TEP1: variants seen among roughly 807,000 people sequenced by gnomAD.
TEP1 encodes the protein telomerase protein component 1.
A neutral mutation model predicts 306.3 loss-of-function variants in TEP1; 241 were observed. That is an observed-to-expected ratio of 0.79 (90% CI 0.71 to 0.88). The LOEUF (loss-of-function observed/expected upper bound fraction) is 0.88. Among genes scored for constraint, TEP1 ranks in the 40% least tolerant of loss-of-function variants. The pLI, the probability that TEP1 is intolerant of heterozygous loss-of-function variation, is 0.00. For synonymous variants in TEP1, 1,289 were observed against 1,305.5 expected, an observed-to-expected ratio of 0.99 and a Z score of 0.27; for missense variants, 3,051 against 3,276.1, an observed-to-expected ratio of 0.93 and a Z score of 1.68.
At position 20,386,515 on chromosome 14, in the gene TEP1, A is replaced by G; in HGVS notation, c.2793T>C (p.Pro931=). ...VLPALQARAA[P]HRISLHGIDL... ...CGATTCCGTGAAGGCTGATACGGTG[A>G]GGGGCCGCTCGGGCCTGCAGTGCTG... The change falls in exon 19 of 55, where the codon CCT becomes CCC. Residue 931 remains proline, a synonymous_variant. Coordinates refer to ENST00000262715, the MANE Select transcript of TEP1 (RefSeq NM_007110.5). The G allele has an allele frequency of 1.2e-6, 2 of 1,613,064 alleles. No homozygotes were observed. The highest frequency in any genetic ancestry group is 1.7e-6 in the Non-Finnish European group (2 of 1,179,488).
chr14:20,369,953 G>A (rs1248811938), intron 51 of TEP1, among the ~76,000 whole-genome samples, 174 bp from the exon 52 acceptor site: 8 of 141,230 alleles, frequency 5.7e-5, no homozygotes, highest in East Asian at 4.1e-4. Flanking sequence ...TCACTCTGTC[G>A]CCCAGGCTGG....
chr14:20,375,759 A>AGGT lies in TEP1; in HGVS notation c.6356_6358dup (p.Asn2119_Leu2120insHis). The AGGT allele has an allele frequency of 1.2e-6, 2 of 1,611,376 alleles. No individual in the cohort carries two copies. Among genetic ancestry groups the AGGT allele is most frequent in the Middle Eastern group, 1.7e-4 (1 of 6,056 alleles). On this transcript the variant is annotated inframe_insertion, in exon 43 of 55. Transcript: ENST00000262715. ...CACCCCTGGCCCTTTACTCACCAGT[A>AGGT]GGTTATCTTTGGTCCAGGCACAGCC... is the stretch of plus-strand genomic sequence containing the variant.
rs1437874168 is a variant in TEP1, at chr14:20,373,002, C to T, written c.6951+9G>A. 5 of 1,614,044 alleles carry T rather than the reference C, an allele frequency of 3.1e-6. No homozygotes were observed. The highest frequency in any genetic ancestry group is 4.2e-6 in the Non-Finnish European group (5 of 1,180,030). ...ACACAGACAAAGAACCAAGGGTACA[C>T]CGACTCACCTGTGCTGTGGCCACAG... On this transcript the variant is annotated intron_variant, in intron 48 of 54. Transcript: ENST00000262715.
Position 20,381,229 on chromosome 14 carries a change from G to A in TEP1, c.4647+84C>T. On this transcript the variant is annotated intron_variant, in intron 32 of 54. Transcript: ENST00000262715. The surrounding 1 kb of genome is among the most constrained non-coding windows in gnomAD (Gnocchi z 4.0). The stretch of plus-strand genomic sequence containing the variant: ...GGGAGGGGTAATGGCGGCGGTGATG[G>A]TGGAGATGGTAACGGGGAGAGGGGT... 6 of 1,410,636 alleles carry A rather than the reference G, an allele frequency of 4.3e-6. No homozygotes were observed. Among genetic ancestry groups the A allele is most frequent in the Non-Finnish European group, 6.0e-6 (6 of 995,168 alleles). 87.4% of individuals were successfully genotyped at this position (1,410,636 alleles called of 1,614,324 possible). A position where few individuals can be genotyped will look rare whatever the true frequency, so the allele number is the denominator to read the frequency against.
rs774266792 is a variant in TEP1 at position 20,396,710 on chromosome 14, TGAAGG to T, written c.1565_1569del (p.Pro522HisfsTer21). 2 of 1,608,650 alleles carry T rather than the reference TGAAGG, an allele frequency of 1.2e-6. No homozygotes were observed. The highest frequency in any genetic ancestry group is 3.3e-5 in the Admixed American group (2 of 59,724). On this transcript the variant is annotated frameshift_variant, in exon 10 of 55. Coordinates refer to ENST00000262715, the MANE Select transcript of TEP1 (RefSeq NM_007110.5). LOFTEE classifies it high-confidence loss of function. ...TTGCACAGGTTCCGAAGCATGGCCATGAAGGGAAGCTTCCCATTTTCTGTGGAATG... is the reference window on the plus strand; with the variant it reads ...TTGCACAGGTTCCGAAGCATGGCCATGAAGCTTCCCATTTTCTGTGGAATG...
chr14:20,393,533 T>A (rs971807073), intron 12 of TEP1, among the ~76,000 whole-genome samples: 3 of 152,268 alleles, frequency 2.0e-5, no homozygotes, highest in Non-Finnish European at 4.4e-5. Flanking sequence ...GGCTTACGCC[T>A]GTAATCCCAG....
chr14:20,391,011 G>T lies in TEP1; in HGVS notation c.2183C>A (p.Thr728Asn), dbSNP rs773657080. The T allele has an allele frequency of 6.2e-7, 1 of 1,614,142 alleles. No individual in the cohort carries two copies. The highest frequency in any genetic ancestry group is 8.5e-7 in the Non-Finnish European group (1 of 1,180,044). Residue 728 changes from threonine (T) to asparagine (N), a missense_variant, in exon 14 of 55, where the codon ACT becomes AAT. Around this residue, in one of 3 missense-constraint regions of TEP1, gnomAD observed 1,507 missense variants for 1,550.5 expected, o/e 0.97. Transcript: ENST00000262715. The stretch of plus-strand genomic sequence containing the variant: ...TGCCTTAAGCACTGCAGTCTTCAGA[G>T]TGTCACCTCCACACAGCACGACGTC... ...QVDVVLCGGD[T>N]LKTAVLKAEE...
At chr14:20,394,540 C>T (rs1461420402) in intron 12 of TEP1, among the ~76,000 whole-genome samples, 5 of 133,898 alleles carry the variant, frequency 3.7e-5, no homozygotes, top group African/African-American at 1.4e-4. Context: ...AGTGCAATGG[C>T]GCGATCTCAG....
rs150814897 is a variant in TEP1 at position 20,394,748 on chromosome 14, C to A, written c.1928+702G>T. ...CTGCCTCGTGATCCACCTGCCTCGG[C>A]CTCCCAAAGTTCTGGGATTACAGGC... On this transcript the variant is annotated intron_variant, in intron 12 of 54. Coordinates refer to ENST00000262715, the MANE Select transcript of TEP1 (RefSeq NM_007110.5). Among the ~76,000 whole-genome samples the A allele has an allele frequency of 8.9e-3, 1,359 of 152,216 alleles. 19 individuals are homozygous for A. The highest frequency in any genetic ancestry group is 0.031 in the African/African-American group (1,287 of 41,532).
intron 13 of TEP1, 104 bp from the exon 14 acceptor site, chr14:20,391,200 A>C: frequency 8.1e-7 from 1 of 1,234,298 alleles, no homozygotes; most frequent in Non-Finnish European, 1.1e-6. Context: ...AGAGGGAATA[A>C]GAAAAAGTGT....
intron 43 of TEP1, 91 bp from the exon 44 acceptor site, chr14:20,374,627 C>A: frequency 1.2e-6 from 1 of 816,548 alleles, no homozygotes. Context: ...CGGTTAGCCA[C>A]GTAATTAAGG....
rs1464789763 is a variant in TEP1 at position 20,379,050 on chromosome 14, G to T, written c.5183C>A (p.Ser1728Tyr). The change falls in exon 36 of 55, where the codon TCC becomes TAC. Residue 1728 changes from serine to tyrosine, a missense_variant. Physicochemically the swap from Ser to Tyr is moderately radical, Grantham distance 144. Transcript: ENST00000262715. Reference protein sequence around the residue: ...CDGISACLFLSDDTLFLTAFD... With the variant: ...CDGISACLFLYDDTLFLTAFD... ...GGCAGTAAGAAAGAGTGTATCATCG[G>T]AGAGGAACAAACAAGCAGAGATTCC... 1.2e-6 allele frequency: 2 copies of T among 1,614,162 alleles called. No individual in the cohort carries two copies. The highest frequency in any genetic ancestry group is 2.2e-5 in the East Asian group (1 of 44,868).
At position 20,382,206 on chromosome 14, in the gene TEP1, C is replaced by T. The variant is rs1250550347; in HGVS notation, c.4273+18G>A. 1.9e-6 allele frequency: 3 copies of T among 1,614,006 alleles called. No homozygotes were observed. Among genetic ancestry groups the T allele is most frequent in the Non-Finnish European group, 1.7e-6 (2 of 1,180,020 alleles). The stretch of plus-strand genomic sequence containing the variant: ...CCCTGGCCCTCAGCCTCCCAACCAA[C>T]CCACCCCAAGCACTGACCACTCCGT... On this transcript the variant is annotated intron_variant, in intron 29 of 54. Coordinates refer to ENST00000262715, the MANE Select transcript of TEP1 (RefSeq NM_007110.5).
chr14:20,376,341 G>A (rs1387329080), intron 41 of TEP1, 77 bp from the exon 42 acceptor site: 15 of 1,480,538 alleles, frequency 1.0e-5, no homozygotes, highest in Non-Finnish European at 9.1e-7. Flanking sequence ...AAAGACAGGA[G>A]CGGCCATGGG....
intron 12 of TEP1, among the ~76,000 whole-genome samples, chr14:20,393,621 G>A (rs1877924530): frequency 1.3e-5 from 2 of 152,078 alleles, no homozygotes; most frequent in Non-Finnish European, 2.9e-5. Flanking sequence ...GTGAAACCCT[G>A]TCTCTACTAA....
intron 43 of TEP1, among the ~76,000 whole-genome samples, chr14:20,375,121 T>A (rs1885099335): frequency 6.7e-6 from 1 of 150,024 alleles, no homozygotes; most frequent in Admixed American, 6.6e-5. Context: ...GGACTTAGCA[T>A]GCTGCCTGGC....
intron 19 of TEP1, 40 bp downstream of exon 19, chr14:20,386,407 T>G (rs748733284): frequency 8.9e-6 from 14 of 1,578,898 alleles, no homozygotes; most frequent in Non-Finnish European, 1.2e-5. Context: ...CTCAAGCCCC[T>G]CATCCCCGAC....
intron 27 of TEP1, 113 bp from the exon 28 acceptor site, chr14:20,382,828 A>T (rs1876710326): frequency 2.2e-6 from 2 of 929,360 alleles, no homozygotes; most frequent in Non-Finnish European, 3.4e-6. Context: ...TCCCCAGCAG[A>T]CGCCAGGTCC....
intron 15 of TEP1, 103 bp downstream of exon 15, chr14:20,390,578 T>C (rs1877618131): frequency 2.8e-6 from 3 of 1,073,902 alleles, no homozygotes; most frequent in Non-Finnish European, 4.3e-6. Context: ...CTGACTATTG[T>C]ATGTGGTTGG....
Sources: allele counts gnomAD v4.1 joint callset (sites outside exome capture counted in the v4.1 genomes callset), GRCh38; gene constraint gnomAD v4.1.1; regional missense constraint gnomAD v4.1.1; non-coding constraint Gnocchi (gnomAD v3.1); transcripts MANE v1.5; gene names NCBI Gene and HGNC (gene_info 2026-07-23, HGNC 2026-07-21).